The following CAPN1 variants were observed in gnomAD, a reference collection of about 807,000 sequenced individuals.
CAPN1 encodes the protein calpain 1.
A neutral mutation model predicts 105.2 loss-of-function variants in CAPN1; 77 were observed. That is an observed-to-expected ratio of 0.73 (90% CI 0.61 to 0.88). CAPN1 has a LOEUF of 0.88. CAPN1 is among the 40% of genes least tolerant of loss of function. The pLI is 0.00. For synonymous variants in CAPN1, 355 were observed against 388.8 expected, an observed-to-expected ratio of 0.91 and a Z score of 1.02; for missense variants, 833 against 976.6, an observed-to-expected ratio of 0.85 and a Z score of 1.96.
chr11:65,206,598 G>T lies in CAPN1; in HGVS notation c.1489G>T (p.Val497Leu). The T allele has an allele frequency of 3.7e-6, 6 of 1,613,470 alleles. No individual in the cohort carries two copies. In the South Asian group the frequency reaches 5.5e-5, roughly 15 times the overall value. Residue 497 changes from valine (V) to leucine (L), a missense_variant, in exon 13 of 22, where the codon GTG (valine) becomes TTG (leucine). Transcript: ENST00000279247. Reference sequence around the variant, plus strand: ...CCTGCCACCCGGGGAGTATGTGGTGGTGCCCTCCACCTTCGAGCCCAACAA... The same window carrying T: ...CCTGCCACCCGGGGAGTATGTGGTGTTGCCCTCCACCTTCGAGCCCAACAA... Reference protein sequence around the residue: ...FRLPPGEYVVVPSTFEPNKEG... With the variant: ...FRLPPGEYVVLPSTFEPNKEG...
chr11:65,195,100 GTTT>G (rs60778423), intron 10 of CAPN1, among the ~76,000 whole-genome samples: 23 of 90,904 alleles, frequency 2.5e-4, no homozygotes, highest in African/African-American at 6.0e-4. Flanking sequence ...GTTTTTTGGG[GTTT>G]TTTTTTTTTT....
chr11:65,209,936 C>T lies in CAPN1; in HGVS notation c.1863+19C>T, dbSNP rs1949019291. 1.2e-6 allele frequency: 2 copies of T among 1,613,320 alleles called. No individual in the cohort carries two copies. The highest frequency in any genetic ancestry group is 2.7e-5 in the African/African-American group (2 of 75,046). ...TTACCTGGTAGGTTGTCCCCACTCA[C>T]CTCAGTCATGCAGGTGCGGGCCGGG... On this transcript the variant is annotated intron_variant, in intron 18 of 21. Coordinates refer to ENST00000279247, the MANE Select transcript of CAPN1 (RefSeq NM_005186.4). The surrounding 1 kb of genome is among the most constrained non-coding windows in gnomAD (Gnocchi z 4.1).
intron 7 of CAPN1, 53 bp downstream of exon 7, chr11:65,187,351 G>A (rs1948649187): frequency 7.8e-7 from 1 of 1,277,908 alleles, no homozygotes; most frequent in African/African-American, 1.5e-5. Context: ...CCCCTGGCCT[G>A]TCCTTGCCTC....
chr11:65,191,109 T>A (rs953593707), intron 10 of CAPN1, among the ~76,000 whole-genome samples: 2 of 152,220 alleles, frequency 1.3e-5, no homozygotes, highest in African/African-American at 4.8e-5. Context: ...ATGAAACCTA[T>A]AGACCAATTT....
chr11:65,185,019 A>G (rs1298305764), intron 4 of CAPN1, among the ~76,000 whole-genome samples: 2 of 152,230 alleles, frequency 1.3e-5, no homozygotes, highest in East Asian at 1.9e-4. Flanking sequence ...ATGTATTAGT[A>G]TACAGCAAAT....
At chr11:65,203,978 GT>G (rs1948911506) in intron 10 of CAPN1, among the ~76,000 whole-genome samples, 1 of 152,118 alleles carries the variant, frequency 6.6e-6, no homozygotes, top group South Asian at 2.1e-4. Context: ...GCACTGGGTT[GT>G]TTTAGTCAAG....
At chr11:65,199,181 T>C (rs1178046961) in intron 10 of CAPN1, among the ~76,000 whole-genome samples, 3 of 152,198 alleles carry the variant, frequency 2.0e-5, no homozygotes, top group Non-Finnish European at 4.4e-5. Flanking sequence ...CTGTTGGTTA[T>C]AAACTTTCTC....
At chr11:65,191,936 C>T (rs191032344) in intron 10 of CAPN1, among the ~76,000 whole-genome samples, 62 of 152,206 alleles carry the variant, frequency 4.1e-4, no homozygotes, top group Non-Finnish European at 7.4e-4. Context: ...TTTTATCAGA[C>T]TAATGAAGTT....
In CAPN1 at chr11:65,208,955, A is replaced by G. The variant is rs1949003958; in HGVS notation, c.1730-368A>G. ...CTCCCCTTTGCTGCCACTGACCTCC[A>G]TCCACACGGTTTCCTTAAGCAGAGC... On this transcript the variant is annotated intron_variant, in intron 16 of 21. Coordinates refer to ENST00000279247, the MANE Select transcript of CAPN1 (RefSeq NM_005186.4). This position sits in a 1 kb window ranked among gnomAD's most constrained non-coding sequence, Gnocchi z 4.1. The G allele has an allele frequency of 3.3e-6, 1 of 299,716 alleles. No individual in the cohort carries two copies. Among genetic ancestry groups the G allele is most frequent in the East Asian group, 7.6e-5 (1 of 13,136 alleles). 18.6% of individuals were successfully genotyped at this position (299,716 alleles called of 1,614,324 possible). A position where few individuals can be genotyped will look rare whatever the true frequency, so the allele number is the denominator to read the frequency against.
In CAPN1 at chr11:65,210,957, T is replaced by C; in HGVS notation, c.2118+85T>C. ...CTGGCCAGTGTTCCCTGTCCTTTCC[T>C]GGAAATGAGCCTGGGCCTCAGAGCC... On this transcript the variant is annotated intron_variant, in intron 21 of 21. Coordinates refer to ENST00000279247, the MANE Select transcript of CAPN1 (RefSeq NM_005186.4). The surrounding 1 kb of genome is among the most constrained non-coding windows in gnomAD (Gnocchi z 4.3). 8.1e-7 allele frequency: 1 copy of C among 1,239,034 alleles called. No homozygotes were observed. The highest frequency in any genetic ancestry group is 1.5e-5 in the African/African-American group (1 of 67,526). The allele number at this position is 1,239,034 out of a possible 1,614,324, so 76.8% of individuals were successfully genotyped here.
intron 1 of CAPN1, 57 bp from the exon 2 acceptor site, chr11:65,182,644 G>T: frequency 6.9e-7 from 1 of 1,450,654 alleles, no homozygotes. Context: ...GCAGGCAGGA[G>T]CCCAGGTTCT....
At chr11:65,183,009 T>C (rs758106893) in intron 2 of CAPN1, 41 bp downstream of exon 2, 1 of 1,611,738 alleles carries the variant, frequency 6.2e-7, no homozygotes, top group Non-Finnish European at 8.5e-7. Flanking sequence ...CTAAGCCAGA[T>C]CCTGGATGAG....
chr11:65,210,175 C>G lies in CAPN1; in HGVS notation c.1942+79C>G. 1 of 1,278,052 alleles carries G rather than the reference C, an allele frequency of 7.8e-7. No homozygotes were observed. Among genetic ancestry groups the G allele is most frequent in the Non-Finnish European group, 1.1e-6 (1 of 877,460 alleles). 79.2% of individuals were successfully genotyped at this position (1,278,052 alleles called of 1,614,324 possible). On this transcript the variant is annotated intron_variant, in intron 19 of 21. Coordinates refer to ENST00000279247, the MANE Select transcript of CAPN1 (RefSeq NM_005186.4). This position sits in a 1 kb window ranked among gnomAD's most constrained non-coding sequence, Gnocchi z 4.3. ...GCTCCTATGCCCCAGGCCCTTGTCC[C>G]TGGGGTGCTAGTGGTGACATGGTAA...
rs56897147 is a variant in CAPN1, at chr11:65,200,932, C to CTTTTTTTTTT, written c.1166-3730_1166-3721dup. Among the ~76,000 whole-genome samples the CTTTTTTTTTT allele has an allele frequency of 8.1e-5, 4 of 49,458 alleles. 1 individual carries two copies. Among genetic ancestry groups the CTTTTTTTTTT allele is most frequent in the African/African-American group, 2.2e-4 (3 of 13,824 alleles). The allele number at this position is 49,458 out of a possible 152,430, so 32.4% of individuals were successfully genotyped here. On this transcript the variant is annotated intron_variant, in intron 10 of 21. Coordinates refer to ENST00000279247, the MANE Select transcript of CAPN1 (RefSeq NM_005186.4). ...TACAGATCCATGCCACCATGCCTGG[C>CTTTTTTTTTT]TTTTTTTTTTTTTTTTTTTTTTTTT...
intron 14 of CAPN1, 36 bp downstream of exon 14, chr11:65,206,855 C>A: frequency 1.3e-6 from 2 of 1,591,820 alleles, no homozygotes; most frequent in East Asian, 2.3e-5. Flanking sequence ...CCGTCCTCCT[C>A]TCTTCCTCAC....
At chr11:65,195,170 C>T (rs1220574416) in intron 10 of CAPN1, among the ~76,000 whole-genome samples, 13 of 139,760 alleles carry the variant, frequency 9.3e-5, no homozygotes, top group Non-Finnish European at 1.4e-4. Flanking sequence ...AGTGCAGTGG[C>T]GCCATCTCAG....
chr11:65,188,478 G>C lies in CAPN1; in HGVS notation c.994G>C (p.Gly332Arg). 1 of 1,612,994 alleles carries C rather than the reference G, an allele frequency of 6.2e-7. No homozygotes were observed. The highest frequency in any genetic ancestry group is 1.1e-5 in the South Asian group (1 of 90,886). The change falls in exon 9 of 22, where the codon GGG becomes CGG. Residue 332 changes from glycine to arginine, a missense_variant. Transcript: ENST00000279247. The surrounding 1 kb of genome is among the most constrained non-coding windows in gnomAD (Gnocchi z 5.5). ...CCAGCTCCGGGTCAAGATGGAGGAC[G>C]GGGAGTTCTGGTGAGCGCCCCCTCC... ...RDQLRVKMED[G>R]EFWMSFRDFM...
rs752207698 is a variant in CAPN1 at position 65,183,140 on chromosome 11, A to T, written c.280A>T (p.Asn94Tyr). Residue 94 changes from asparagine (N) to tyrosine (Y), a missense_variant, in exon 3 of 22, where the codon AAC becomes TAC. Physicochemically the swap from Asn to Tyr is moderately radical, Grantham distance 143. Transcript: ENST00000279247. ...GGGTCTCTCGTAGGAACTGCTGTCA[A>T]ACCCCCAGTTCATTGTGGATGGAGC... ...KWKRPTELLS[N>Y]PQFIVDGATR... 6.2e-7 allele frequency: 1 copy of T among 1,613,832 alleles called. No homozygotes were observed. The highest frequency in any genetic ancestry group is 8.5e-7 in the Non-Finnish European group (1 of 1,179,818).
chr11:65,183,124 G>T lies in CAPN1; in HGVS notation c.268-4G>T. The T allele has an allele frequency of 6.2e-7, 1 of 1,613,848 alleles. No homozygotes were observed. Among genetic ancestry groups the T allele is most frequent in the Non-Finnish European group, 8.5e-7 (1 of 1,179,784 alleles). On this transcript the variant is annotated splice_region_variant and splice_polypyrimidine_tract_variant and intron_variant, in intron 2 of 21. Transcript: ENST00000279247. ...CGAGGAACAGGACTCTGGGTCTCTC[G>T]TAGGAACTGCTGTCAAACCCCCAGT...
Sources: allele counts gnomAD v4.1 joint callset (sites outside exome capture counted in the v4.1 genomes callset), GRCh38; gene constraint gnomAD v4.1.1; non-coding constraint Gnocchi (gnomAD v3.1); transcripts MANE v1.5; gene names NCBI Gene and HGNC (gene_info 2026-07-23, HGNC 2026-07-21).